Variants in XPO1 observed in about 807,000 individuals in gnomAD.
XPO1 encodes the protein exportin 1, also known as exportin-1.
In XPO1, 5 loss-of-function variants were observed where a neutral mutation model predicts 133.3. The ratio of observed to expected loss-of-function variants is 0.04; its 90% confidence interval spans 0.02 to 0.08. The LOEUF (loss-of-function observed/expected upper bound fraction) is 0.08, where lower values mean the gene tolerates loss of function less well. Ranked by LOEUF, XPO1 falls within the 10% of genes least tolerant of loss-of-function variation. The probability of loss-of-function intolerance (pLI) is 1.00; values close to 1 mark genes in which losing one functional copy is unlikely to be tolerated. For synonymous variants in XPO1, 419 were observed against 408.2 expected (o/e 1.03, Z -0.32); for missense variants, 506 against 1,267.5 (o/e 0.40, Z 9.12).
intron 9 of XPO1, among the ~76,000 whole-genome samples, chr2:61,497,571 T>A (rs1243512992): frequency 1.3e-5 from 2 of 152,172 alleles, no homozygotes; most frequent in Non-Finnish European, 2.9e-5. Flanking sequence ...TTTCCTAGAA[T>A]CTGTGATATG....
chr2:61,491,017 C>G (rs12613792), intron 16 of XPO1, among the ~76,000 whole-genome samples: 2 of 152,112 alleles, frequency 1.3e-5, no homozygotes, highest in East Asian at 3.9e-4. Flanking sequence ...ATTAGCCAAG[C>G]GTGGTGGCAG....
At chr2:61,493,100 G>C (rs2104438943) in intron 12 of XPO1, 47 bp from the exon 13 acceptor site, 1 of 1,514,298 alleles carries the variant, frequency 6.6e-7, no homozygotes, top group Non-Finnish European at 8.8e-7. Flanking sequence ...TTAGATCACT[G>C]AAATCATTAG....
intron 2 of XPO1, 78 bp from the exon 3 acceptor site, chr2:61,526,599 C>G (rs1232228974): frequency 2.7e-6 from 3 of 1,095,536 alleles, no homozygotes; most frequent in Non-Finnish European, 3.7e-6. Flanking sequence ...AACTACTGAG[C>G]AAGGCACAAA....
chr2:61,503,409 C>G (rs1459576827), intron 4 of XPO1, among the ~76,000 whole-genome samples: 1 of 151,642 alleles, frequency 6.6e-6, no homozygotes, highest in African/African-American at 2.4e-5. Context: ...TACAGGCACG[C>G]ACCACCACAT....
At chr2:61,537,347 C>T (rs1458341399) in intron 1 of XPO1, among the ~76,000 whole-genome samples, 3 of 151,500 alleles carry the variant, frequency 2.0e-5, no homozygotes, top group Admixed American at 1.3e-4. Flanking sequence ...AAGCGCTCCC[C>T]TCCCGAGGCC....
At chr2:61,524,183 T>C (rs1375049356) in intron 3 of XPO1, among the ~76,000 whole-genome samples, 1 of 152,170 alleles carries the variant, frequency 6.6e-6, no homozygotes, top group South Asian at 2.1e-4. Flanking sequence ...GTCAAAGCAA[T>C]GCACTGCTTA....
At chr2:61,530,328 T>C (rs1305862476) in intron 2 of XPO1, among the ~76,000 whole-genome samples, 1 of 152,202 alleles carries the variant, frequency 6.6e-6, no homozygotes, top group Non-Finnish European at 1.5e-5. Flanking sequence ...TTCTGATTTA[T>C]TCTAATCCCA....
intron 17 of XPO1, among the ~76,000 whole-genome samples, chr2:61,489,806 G>A (rs1696882561): frequency 2.0e-5 from 3 of 151,852 alleles, no homozygotes; most frequent in Admixed American, 6.6e-5. Flanking sequence ...CGCCTGCCTC[G>A]GCCTCCCAAA....
intron 4 of XPO1, among the ~76,000 whole-genome samples, chr2:61,503,407 C>A (rs1429542419): frequency 6.6e-6 from 1 of 151,492 alleles, no homozygotes; most frequent in African/African-American, 2.4e-5. Context: ...ATTACAGGCA[C>A]GCACCACCAC....
At chr2:61,516,547 T>G (rs1338058716) in intron 4 of XPO1, among the ~76,000 whole-genome samples, 3 of 151,890 alleles carry the variant, frequency 2.0e-5, no homozygotes, top group Non-Finnish European at 4.4e-5. Flanking sequence ...CCCCAATAGC[T>G]GGGATTACAG....
chr2:61,522,502 T>C, intron 4 of XPO1, 109 bp downstream of exon 4: 1 of 984,812 alleles, frequency 1.0e-6, no homozygotes, highest in Non-Finnish European at 1.5e-6. Flanking sequence ...ATAAGCTCCA[T>C]TAGAGCAAAA....
chr2:61,526,669 CAGAAAT>C, intron 2 of XPO1, 148 bp from the exon 3 acceptor site: 1 of 558,574 alleles, frequency 1.8e-6, no homozygotes, highest in Non-Finnish European at 2.8e-6. Flanking sequence ...TTAGACCTTA[CAGAAAT>C]AGAAATAAAA....
chr2:61,519,817 C>G (rs528926423), intron 4 of XPO1, among the ~76,000 whole-genome samples: 199 of 151,836 alleles, frequency 1.3e-3, no homozygotes, highest in African/African-American at 4.3e-3. Flanking sequence ...CTAATTTTGG[C>G]ATACTCTTAT....
At chr2:61,521,143 T>C (rs1698670503) in intron 4 of XPO1, among the ~76,000 whole-genome samples, 4 of 152,210 alleles carry the variant, frequency 2.6e-5, no homozygotes, top group Admixed American at 2.6e-4. Context: ...TCTTAATCTA[T>C]GATTTATGAT....
At position 61,498,368 on chromosome 2, in the gene XPO1, A is replaced by G. The variant is rs566433533; in HGVS notation, c.759+305T>C. On this transcript the variant is annotated intron_variant, in intron 9 of 24. Coordinates refer to ENST00000401558, the MANE Select transcript of XPO1 (RefSeq NM_003400.4). Reference sequence around the variant, plus strand: ...TTTTAAATTATCAGTTAAAAGATGAACTTTTCATTTTTCAGAAATAGCACT... The same window carrying G: ...TTTTAAATTATCAGTTAAAAGATGAGCTTTTCATTTTTCAGAAATAGCACT... Among the ~76,000 whole-genome samples, 46 of 152,354 alleles carry G rather than the reference A, an allele frequency of 3.0e-4. No homozygotes were observed. The South Asian group carries it at 9.1e-3, about 30-fold the overall frequency.
intron 4 of XPO1, among the ~76,000 whole-genome samples, chr2:61,514,886 C>G (rs1436981394): frequency 6.6e-6 from 1 of 151,802 alleles, no homozygotes; most frequent in Non-Finnish European, 1.5e-5. Flanking sequence ...ACCAGCCAGG[C>G]CAATATGGCG....
chr2:61,512,867 C>A (rs1484821902), intron 4 of XPO1, among the ~76,000 whole-genome samples: 4 of 152,158 alleles, frequency 2.6e-5, no homozygotes, highest in African/African-American at 9.7e-5. Flanking sequence ...ATGGGGCAAC[C>A]CCATCTCTAC....
chr2:61,496,200 T>C (rs1354930884), intron 10 of XPO1, among the ~76,000 whole-genome samples: 1 of 152,108 alleles, frequency 6.6e-6, no homozygotes, highest in East Asian at 1.9e-4. Context: ...CAAACATACA[T>C]AGTAATCTAT....
intron 20 of XPO1, chr2:61,485,405 ATTC>A (rs568032846): frequency 9.3e-4 from 153 of 163,840 alleles, no homozygotes; most frequent in Middle Eastern, 2.9e-3. Context: ...TGTGTAGTAA[ATTC>A]TTCTTCTTGG....
Sources: allele counts gnomAD v4.1 joint callset (sites outside exome capture counted in the v4.1 genomes callset), GRCh38; gene constraint gnomAD v4.1.1; transcripts MANE v1.5; gene names NCBI Gene and HGNC (gene_info 2026-07-23, HGNC 2026-07-21).